SLC35F3: variants seen among roughly 807,000 people sequenced by gnomAD.
SLC35F3 encodes the protein putative thiamine transporter SLC35F3.
A neutral mutation model predicts 49.9 loss-of-function variants in SLC35F3; 25 were observed. The observed-to-expected ratio is 0.50, with a 90% CI of 0.37 to 0.70. The LOEUF is 0.70. SLC35F3 is among the 30% of genes least tolerant of loss of function. The probability of loss-of-function intolerance (pLI) is 0.00; values close to 1 mark genes in which losing one functional copy is unlikely to be tolerated. For missense variants in SLC35F3, 525 were observed against 639.8 expected (o/e 0.82, Z 1.94); for synonymous variants, 275 against 265.4 (o/e 1.04, Z -0.35).
chr1:234,231,415 A>G lies in SLC35F3; in HGVS notation c.284-2A>G. 1 of 1,542,116 alleles carries G rather than the reference A, an allele frequency of 6.5e-7. No individual in the cohort carries two copies. ...CGCTAACCACGCCCTTCTCTTCCCC[A>G]GGGGAGGAGCGCCCCCGGGACTCCC... On this transcript the variant is annotated splice_acceptor_variant, in intron 2 of 7. Transcript: ENST00000366618. LOFTEE classifies it high-confidence loss of function. This position sits in a 1 kb window ranked among gnomAD's most constrained non-coding sequence, Gnocchi z 5.4.
At chr1:233,939,477 C>T (rs927897283) in intron 2 of SLC35F3, among the ~76,000 whole-genome samples, 1 of 152,100 alleles carries the variant, frequency 6.6e-6, no homozygotes, top group African/African-American at 2.4e-5. Context: ...AAATTGAAAA[C>T]ATTCCTCTTG....
At chr1:233,961,450 CCT>C (rs111649015) in intron 2 of SLC35F3, among the ~76,000 whole-genome samples, 4 of 142,696 alleles carry the variant, frequency 2.8e-5, no homozygotes, top group African/African-American at 1.0e-4. Context: ...TTTTTTTTTT[CCT>C]CTCTTTTTTT....
intron 2 of SLC35F3, among the ~76,000 whole-genome samples, chr1:234,019,410 A>G (rs529843661): frequency 7.2e-5 from 11 of 152,322 alleles, no homozygotes; most frequent in Admixed American, 3.9e-4. Flanking sequence ...AATTTACTTT[A>G]AGGAACTGGC....
intron 2 of SLC35F3, among the ~76,000 whole-genome samples, chr1:233,927,017 T>G (rs533009352): frequency 5.3e-5 from 8 of 152,218 alleles, no homozygotes; most frequent in Non-Finnish European, 1.0e-4. Flanking sequence ...GGTAGGCAGC[T>G]TTTTCAAATT....
chr1:234,010,366 T>A (rs1663696528), intron 2 of SLC35F3, among the ~76,000 whole-genome samples: 1 of 152,050 alleles, frequency 6.6e-6, no homozygotes, highest in Non-Finnish European at 1.5e-5. Context: ...ATTGAAAGAT[T>A]CAAAGCATAT....
intron 2 of SLC35F3, among the ~76,000 whole-genome samples, chr1:233,915,119 T>C (rs2000354): frequency 0.54 from 81,559 of 152,046 alleles, 22,408 homozygotes; most frequent in East Asian, 0.74. Context: ...TTTTGAGAAA[T>C]GTTTTCTGTG....
chr1:233,941,962 G>GTTTTTTTTTTTTTTTTTT (rs547024039), intron 2 of SLC35F3, among the ~76,000 whole-genome samples: 1 of 118,948 alleles, frequency 8.4e-6, no homozygotes, highest in Non-Finnish European at 1.8e-5. Context: ...TTGTTTTTTT[G>GTTTTTTTTTTTTTTTTTT]TTTTTTTTTT....
chr1:234,277,047 T>C (rs1280916193), intron 3 of SLC35F3, among the ~76,000 whole-genome samples: 1 of 152,196 alleles, frequency 6.6e-6, no homozygotes. Context: ...AAATAGCAGT[T>C]TCTCAATTGT....
intron 2 of SLC35F3, among the ~76,000 whole-genome samples, chr1:234,069,215 A>G (rs1367617598): frequency 7.1e-6 from 1 of 141,320 alleles, no homozygotes; most frequent in Non-Finnish European, 1.5e-5. Context: ...TATATATTAT[A>G]TTATATATAA....
intron 2 of SLC35F3, among the ~76,000 whole-genome samples, chr1:234,061,064 T>C (rs61822057): frequency 0.13 from 19,990 of 152,264 alleles, 1,628 homozygotes; most frequent in Non-Finnish European, 0.18. Flanking sequence ...TTTGTGTGCA[T>C]GTATTTTTGT....
chr1:233,936,723 A>T (rs1195683282), intron 2 of SLC35F3, among the ~76,000 whole-genome samples: 1 of 149,960 alleles, frequency 6.7e-6, no homozygotes, highest in East Asian at 2.0e-4. Context: ...GGGTCTTGCT[A>T]TGTCGCCCAA....
chr1:234,031,944 T>G (rs903074106), intron 2 of SLC35F3, among the ~76,000 whole-genome samples: 1 of 152,156 alleles, frequency 6.6e-6, no homozygotes, highest in Non-Finnish European at 1.5e-5. Context: ...AATCAAATAG[T>G]TTTATAAGAT....
At chr1:233,906,991 A>G (rs1384908452) in intron 2 of SLC35F3, among the ~76,000 whole-genome samples, 1 of 152,188 alleles carries the variant, frequency 6.6e-6, no homozygotes, top group Admixed American at 6.5e-5. Flanking sequence ...CTAAAATTGT[A>G]GCTTATTACA....
At chr1:234,121,201 A>G (rs1665567243) in intron 2 of SLC35F3, among the ~76,000 whole-genome samples, 1 of 146,942 alleles carries the variant, frequency 6.8e-6, no homozygotes, top group South Asian at 2.1e-4. Context: ...CAGTGGCGCA[A>G]TCTTGGCTCA....
At chr1:234,053,624 G>T (rs996571281) in intron 2 of SLC35F3, among the ~76,000 whole-genome samples, 1 of 152,018 alleles carries the variant, frequency 6.6e-6, no homozygotes. Flanking sequence ...TTTAATTGGG[G>T]CATTTAGCCC....
At chr1:234,120,812 A>C (rs1665559232) in intron 2 of SLC35F3, among the ~76,000 whole-genome samples, 1 of 152,236 alleles carries the variant, frequency 6.6e-6, no homozygotes, top group South Asian at 2.1e-4. Context: ...ACTCAGTCCT[A>C]CTTAAAATTC....
At chr1:234,091,441 T>C (rs1452089345) in intron 2 of SLC35F3, among the ~76,000 whole-genome samples, 1 of 152,188 alleles carries the variant, frequency 6.6e-6, no homozygotes, top group East Asian at 1.9e-4. Flanking sequence ...GACCACGACC[T>C]GAGGAGGGGA....
chr1:234,316,803 C>T lies in SLC35F3; in HGVS notation c.954+76C>T, dbSNP rs887341404. The T allele has an allele frequency of 7.9e-6, 12 of 1,520,042 alleles. No individual in the cohort carries two copies. In the Admixed American group the frequency reaches 1.9e-4, roughly 24 times the overall value. The allele number at this position is 1,520,042 out of a possible 1,614,324, so 94.2% of individuals were successfully genotyped here. On this transcript the variant is annotated intron_variant, in intron 5 of 7. Transcript: ENST00000366618. ...CACAGCCGGCTTTAGATCGCTTGTCCTTTACTTTTCAACAGCTTCTGATGA... is the reference window on the plus strand; with the variant it reads ...CACAGCCGGCTTTAGATCGCTTGTCTTTTACTTTTCAACAGCTTCTGATGA...
chr1:234,054,883 G>C (rs1664432115), intron 2 of SLC35F3, among the ~76,000 whole-genome samples: 1 of 152,228 alleles, frequency 6.6e-6, no homozygotes, highest in Admixed American at 6.5e-5. Flanking sequence ...CTCAGCTGCA[G>C]GTCTGTTGGA....
Sources: allele counts gnomAD v4.1 joint callset (sites outside exome capture counted in the v4.1 genomes callset), GRCh38; gene constraint gnomAD v4.1.1; non-coding constraint Gnocchi (gnomAD v3.1); transcripts MANE v1.5; gene names NCBI Gene and HGNC (gene_info 2026-07-23, HGNC 2026-07-21).